Variants in PCYT1B observed in about 807,000 individuals in gnomAD.
The protein encoded by PCYT1B is phosphate cytidylyltransferase 1B, choline.
Under a neutral mutation model 26.4 loss-of-function variants are expected in PCYT1B, and 10 were observed. That is an observed-to-expected ratio of 0.38 (90% CI 0.23 to 0.64). PCYT1B has a LOEUF of 0.64. PCYT1B is among the 30% of genes least tolerant of loss of function. The pLI is 0.56. For synonymous variants in PCYT1B, 131 were observed against 108.4 expected, an observed-to-expected ratio of 1.21 and a Z score of -1.29; for missense variants, 161 against 292.7, an observed-to-expected ratio of 0.55 and a Z score of 3.28.
chrX:24,572,937 T>TATATATATAC (rs1274157411), intron 7 of PCYT1B, among the ~76,000 whole-genome samples: 9 of 103,169 alleles, frequency 8.7e-5, no homozygotes, highest in African/African-American at 3.2e-4. Context: ...TATATATATA[T>TATATATATAC]ACACACACAC....
At chrX:24,564,553 C>T (rs1234016838) in intron 7 of PCYT1B, among the ~76,000 whole-genome samples, 4 of 109,807 alleles carry the variant, frequency 3.6e-5, no homozygotes, top group Non-Finnish European at 5.7e-5. Context: ...GGGGTTTCAC[C>T]GTGTTAGCCA....
upstream of PCYT1B, among the ~76,000 whole-genome samples, chrX:24,651,411 C>T (rs1361343262): frequency 2.3e-5 from 2 of 85,561 alleles, no homozygotes; most frequent in Non-Finnish European, 2.2e-5. Flanking sequence ...GCCGAGATCA[C>T]GCCATTGCAC....
At chrX:24,639,523 C>T (rs764511512) in intron 1 of PCYT1B, among the ~76,000 whole-genome samples, 1 of 111,385 alleles carries the variant, frequency 9.0e-6, no homozygotes, top group Non-Finnish European at 1.9e-5. Context: ...TGCATCTCAT[C>T]AGGAACCATC....
Position 24,559,595 on chromosome X carries a change from A to G in PCYT1B, c.*2698T>C, listed in dbSNP as rs1196353456. 9.0e-6 allele frequency: 1 copy of G among 111,709 alleles called. No individual in the cohort carries two copies. Among genetic ancestry groups the G allele is most frequent in the Admixed American group, 9.5e-5 (1 of 10,513 alleles). 9.2% of individuals were successfully genotyped at this position (111,709 alleles called of 1,213,427 possible). ...CTGCAGTCCTAAGTTGCTATCCTCC[A>G]GCCCTCATTCTGAAGCTTCCTTTCC... On this transcript the variant is annotated 3_prime_UTR_variant, in exon 8 of 8. Coordinates refer to ENST00000379144, the MANE Select transcript of PCYT1B (RefSeq NM_004845.5).
intron 5 of PCYT1B, among the ~76,000 whole-genome samples, chrX:24,581,936 T>C (rs1924219403): frequency 8.9e-6 from 1 of 112,812 alleles, no homozygotes; most frequent in Non-Finnish European, 1.9e-5. Context: ...GTTTCTTATG[T>C]TCCATGGTCA....
chrX:24,561,905 G>T lies in PCYT1B; in HGVS notation c.*388C>A, dbSNP rs1021485777. 17 of 458,706 alleles carry T rather than the reference G, an allele frequency of 3.7e-5. No homozygotes were observed. Among genetic ancestry groups the T allele is most frequent in the Non-Finnish European group, 6.5e-5 (17 of 261,649 alleles). The allele number at this position is 458,706 out of a possible 1,213,427, so 37.8% of individuals were successfully genotyped here. ...GGGAGGCAACGTGCAGGACCCTTAT[G>T]GACGCAGAAGTAGCAGGTTGAGGGA... On this transcript the variant is annotated 3_prime_UTR_variant, in exon 8 of 8. Coordinates refer to ENST00000379144, the MANE Select transcript of PCYT1B (RefSeq NM_004845.5).
Position 24,558,997 on chromosome X carries a change from CAG to C in PCYT1B, c.*3294_*3295del, listed in dbSNP as rs1413733070. The C allele has an allele frequency of 8.9e-6, 1 of 111,928 alleles. No individual in the cohort carries two copies. The highest frequency in any genetic ancestry group is 1.9e-5 in the Non-Finnish European group (1 of 53,193). 9.2% of individuals were successfully genotyped at this position (111,928 alleles called of 1,213,427 possible). On this transcript the variant is annotated 3_prime_UTR_variant, in exon 8 of 8. Coordinates refer to ENST00000379144, the MANE Select transcript of PCYT1B (RefSeq NM_004845.5). ...AAGGAACCCTTCCCTCTTCACCTGTCAGGGGGTGAGTTAACACTTGAAAGGGA... is the reference window on the plus strand; with the variant it reads ...AAGGAACCCTTCCCTCTTCACCTGTCGGGGTGAGTTAACACTTGAAAGGGA...
At chrX:24,592,412 C>T (rs774338184) in intron 3 of PCYT1B, among the ~76,000 whole-genome samples, 3 of 111,509 alleles carry the variant, frequency 2.7e-5, no homozygotes, top group Admixed American at 9.5e-5. Context: ...CTTTTGTAGT[C>T]CCTTCACATA....
At position 24,636,092 on chromosome X, in the gene PCYT1B, T is replaced by C. The variant is rs201758663; in HGVS notation, c.117+10897A>G. Reference sequence around the variant, plus strand: ...TTTCGTTCAAGTGCTCACTAGACTCTCTTTGGGGCTGGATATACTGGCCCC... The same window carrying C: ...TTTCGTTCAAGTGCTCACTAGACTCCCTTTGGGGCTGGATATACTGGCCCC... On this transcript the variant is annotated intron_variant, in intron 1 of 7. Transcript: ENST00000379144. Among the ~76,000 whole-genome samples the C allele has an allele frequency of 6.3e-5, 7 of 111,684 alleles. No individual in the cohort carries two copies. In the East Asian group the frequency reaches 2.0e-3, roughly 31 times the overall value.
At chrX:24,654,969 CTACCA>C (rs1484103596) in intron 1 of PCYT1B, among the ~76,000 whole-genome samples, 1 of 110,943 alleles carries the variant, frequency 9.0e-6, no homozygotes, top group African/African-American at 3.3e-5. Context: ...GGAAAATACT[CTACCA>C]TACTAAGTAA....
chrX:24,672,721 G>C, upstream of PCYT1B: 1 of 719,433 alleles, frequency 1.4e-6, no homozygotes, highest in Non-Finnish European at 2.1e-6. Flanking sequence ...TTGCTCACTT[G>C]ACCAAAGGTC....
In PCYT1B at chrX:24,558,380, AGAG is replaced by A. The variant is rs1256836577; in HGVS notation, c.*3910_*3912del. On this transcript the variant is annotated 3_prime_UTR_variant, in exon 8 of 8. Coordinates refer to ENST00000379144, the MANE Select transcript of PCYT1B (RefSeq NM_004845.5). ...AGAGGAAAACTAGAAAGAAGTCTAG[AGAG>A]GAGAAGTTGCAAATGCCTCATGAGC... 1 of 111,390 alleles carries A rather than the reference AGAG, an allele frequency of 9.0e-6. No homozygotes were observed. Among genetic ancestry groups the A allele is most frequent in the Non-Finnish European group, 1.9e-5 (1 of 53,051 alleles). The allele number at this position is 111,390 out of a possible 1,213,427, so 9.2% of individuals were successfully genotyped here.
intron 1 of PCYT1B, among the ~76,000 whole-genome samples, chrX:24,630,319 A>G (rs1169236158): frequency 8.9e-6 from 1 of 111,803 alleles, no homozygotes; most frequent in African/African-American, 3.2e-5. Flanking sequence ...GTTTTGAGAC[A>G]GAGTCTCGCT....
exon 1 of PCYT1B, chrX:24,672,646 C>CT (rs772029705): frequency 1.8e-4 from 208 of 1,175,743 alleles, no homozygotes; most frequent in Non-Finnish European, 2.3e-4. Flanking sequence ...TGCTCCTGAT[C>CT]TTTTTATCTT....
chrX:24,637,491 A>AAATAT, intron 1 of PCYT1B, among the ~76,000 whole-genome samples: 1 of 52,894 alleles, frequency 1.9e-5, no homozygotes, highest in African/African-American at 1.5e-4. Flanking sequence ...AAAAAAAAAA[A>AAATAT]ATATATATAT....
intron 1 of PCYT1B, among the ~76,000 whole-genome samples, chrX:24,670,487 G>T (rs934765742): frequency 8.9e-6 from 1 of 112,171 alleles, no homozygotes; most frequent in African/African-American, 3.2e-5. Flanking sequence ...ACAAAGGGCT[G>T]GTAGTCAGAA....
intron 3 of PCYT1B, among the ~76,000 whole-genome samples, chrX:24,603,073 G>A: frequency 8.9e-6 from 1 of 112,210 alleles, no homozygotes; most frequent in Non-Finnish European, 1.9e-5. Flanking sequence ...AAAAGTGCTG[G>A]GATTACAGGC....
intron 1 of PCYT1B, among the ~76,000 whole-genome samples, chrX:24,656,229 C>G (rs866875124): frequency 3.7e-3 from 162 of 43,891 alleles, no homozygotes; most frequent in Non-Finnish European, 4.2e-3. Context: ...CAGGGGGTCG[C>G]GGGGGGGGGT....
At chrX:24,655,160 G>T (rs1404830264) in intron 1 of PCYT1B, among the ~76,000 whole-genome samples, 1 of 112,223 alleles carries the variant, frequency 8.9e-6, no homozygotes, top group Non-Finnish European at 1.9e-5. Flanking sequence ...AACAAATTCA[G>T]AGCAGTTAAG....
Sources: gnomAD v4.1 joint callset for allele counts (sites outside exome capture counted in the v4.1 genomes callset) on GRCh38, gnomAD v4.1.1 for gene constraint, MANE v1.5 for transcripts, NCBI Gene and HGNC (gene_info 2026-07-23, HGNC 2026-07-21) for gene names.